The following CLPX variants were observed in gnomAD, a reference collection of about 807,000 sequenced individuals.
CLPX encodes the protein ATP-dependent clpX-like chaperone, mitochondrial.
A neutral mutation model predicts 76.4 loss-of-function variants in CLPX; 34 were observed. That is an observed-to-expected ratio of 0.45 (90% confidence interval 0.34 to 0.59). CLPX has a LOEUF of 0.59. Among genes scored for constraint, CLPX ranks in the 20% least tolerant of loss-of-function variants. The probability of loss-of-function intolerance (pLI) is 0.01; values close to 1 mark genes in which losing one functional copy is unlikely to be tolerated. For missense variants in CLPX, 613 were observed against 757.0 expected, an observed-to-expected ratio of 0.81 and a Z score of 2.23; for synonymous variants, 248 against 270.9, an observed-to-expected ratio of 0.92 and a Z score of 0.83.
At chr15:65,161,998 A>G (rs2087861430) in intron 6 of CLPX, among the ~76,000 whole-genome samples, 1 of 152,054 alleles carries the variant, frequency 6.6e-6, no homozygotes. Flanking sequence ...AACTTAGCTA[A>G]TTTTCTTTAT....
chr15:65,181,913 G>C (rs1300855657), intron 1 of CLPX, among the ~76,000 whole-genome samples: 5 of 151,730 alleles, frequency 3.3e-5, no homozygotes, highest in Admixed American at 6.6e-5. Context: ...CATAAGGTCA[G>C]GAGATCGAGA....
chr15:65,160,993 T>C (rs1340251944), intron 6 of CLPX, among the ~76,000 whole-genome samples: 7 of 152,198 alleles, frequency 4.6e-5, no homozygotes, highest in Admixed American at 4.6e-4. Context: ...AAAATTTCTG[T>C]GTTTCAGTTT....
At position 65,148,967 on chromosome 15, in the gene CLPX, T is replaced by G. The variant is rs2087685143; in HGVS notation, c.*1856A>C. On this transcript the variant is annotated 3_prime_UTR_variant, in exon 14 of 14. Transcript: ENST00000300107. ...ATAATGAAGGTTAGTAACTTATATG[T>G]TAGTGTGAACACATTTACTTTGGCT... is the stretch of plus-strand genomic sequence containing the variant. 6.6e-6 allele frequency: 1 copy of G among 152,242 alleles called. No individual in the cohort carries two copies. Among genetic ancestry groups the G allele is most frequent in the East Asian group, 1.9e-4 (1 of 5,202 alleles). 9.4% of individuals were successfully genotyped at this position (152,242 alleles called of 1,614,324 possible).
intron 12 of CLPX, among the ~76,000 whole-genome samples, chr15:65,152,947 T>A (rs942057242): frequency 6.6e-6 from 1 of 151,008 alleles, no homozygotes; most frequent in African/African-American, 2.4e-5. Context: ...GATGAGGGTG[T>A]ATGTTGCCCA....
At chr15:65,156,693 G>A (rs921166824) in intron 9 of CLPX, 151 bp downstream of exon 9, 1 of 460,180 alleles carries the variant, frequency 2.2e-6, no homozygotes, top group African/African-American at 2.0e-5. Flanking sequence ...TTTCTTTTAG[G>A]ATCTAAACTA....
At chr15:65,157,933 A>G (rs547295273) in intron 7 of CLPX, 23 bp from the exon 8 acceptor site, 33 of 1,545,734 alleles carry the variant, frequency 2.1e-5, no homozygotes, top group Non-Finnish European at 2.7e-5. Context: ...ACAGTCACTA[A>G]AAGTTTACTG....
chr15:65,171,620 A>G (rs934501111), intron 3 of CLPX, among the ~76,000 whole-genome samples: 1 of 152,202 alleles, frequency 6.6e-6, no homozygotes, highest in Non-Finnish European at 1.5e-5. Flanking sequence ...CTTCCCATCA[A>G]TGGGAAAGAT....
intron 7 of CLPX, 40 bp from the exon 8 acceptor site, chr15:65,157,950 T>C (rs2140618448): frequency 6.6e-7 from 1 of 1,508,096 alleles, no homozygotes; most frequent in South Asian, 1.3e-5. Context: ...ACTGAAAATA[T>C]ATTGGCACAC....
At chr15:65,155,383 G>A (rs997157772) in intron 10 of CLPX, among the ~76,000 whole-genome samples, 3 of 152,120 alleles carry the variant, frequency 2.0e-5, no homozygotes, top group African/African-American at 7.2e-5. Context: ...CCGAGTAGCT[G>A]GGATTACAGG....
At position 65,180,070 on chromosome 15, in the gene CLPX, T is replaced by C. The variant is rs1257503860; in HGVS notation, c.214A>G (p.Lys72Glu). The part of the protein sequence containing the change: ...AYFASKDGIS[K>E]DGSGDGNKKS... ...TTATTTCCATCTCCAGAACCATCTTTACTTATCCCATCTTTTGAGGCAAAG... is the reference window on the plus strand; with the variant it reads ...TTATTTCCATCTCCAGAACCATCTTCACTTATCCCATCTTTTGAGGCAAAG... The change falls in exon 2 of 14, where the codon AAA becomes GAA. Residue 72 changes from lysine to glutamate, a missense_variant. Lys to Glu is a moderately conservative substitution (Grantham distance 56). Transcript: ENST00000300107. The C allele has an allele frequency of 1.9e-6, 3 of 1,611,260 alleles. No homozygotes were observed. The highest frequency in any genetic ancestry group is 2.2e-5 in the South Asian group (2 of 90,452).
At chr15:65,180,672 C>T (rs1291913003) in intron 1 of CLPX, among the ~76,000 whole-genome samples, 11 of 151,906 alleles carry the variant, frequency 7.2e-5, no homozygotes, top group Admixed American at 2.6e-4. Flanking sequence ...GAGGCCTAGG[C>T]GGGTGGATCA....
rs1350101865 is a variant in CLPX, at chr15:65,148,840, A to G, written c.*1983T>C. The G allele has an allele frequency of 1.3e-5, 2 of 152,148 alleles. No homozygotes were observed. Among genetic ancestry groups the G allele is most frequent in the Admixed American group, 1.3e-4 (2 of 15,278 alleles). The allele number at this position is 152,148 out of a possible 1,614,324, so 9.4% of individuals were successfully genotyped here. On this transcript the variant is annotated 3_prime_UTR_variant, in exon 14 of 14. Transcript: ENST00000300107. The stretch of plus-strand genomic sequence containing the variant: ...TGTACCACCATTATAGAAGGAAAGA[A>G]AAAAAGCTTAAAAGGTACCCAAATA...
rs1403854751 is a variant in CLPX at position 65,148,617 on chromosome 15, TTTA to T, written c.*2203_*2205del. The T allele has an allele frequency of 3.3e-5, 5 of 152,152 alleles. No individual in the cohort carries two copies. Among genetic ancestry groups the T allele is most frequent in the African/African-American group, 1.2e-4 (5 of 41,444 alleles). 9.4% of individuals were successfully genotyped at this position (152,152 alleles called of 1,614,324 possible). On this transcript the variant is annotated 3_prime_UTR_variant, in exon 14 of 14. Coordinates refer to ENST00000300107, the MANE Select transcript of CLPX (RefSeq NM_006660.5). ...CCAGCCATAAATACCATACATCCCT[TTTA>T]TTAATTATATCAAAGAAAGCCCAAC...
In CLPX at chr15:65,155,106, A is replaced by G. The variant is rs758135098; in HGVS notation, c.1312-25T>C. The G allele has an allele frequency of 5.7e-6, 9 of 1,586,952 alleles. No homozygotes were observed. In the Admixed American group the frequency reaches 8.4e-5, roughly 15 times the overall value. Reference sequence around the variant, plus strand: ...ACTGCCAAAGAAATGATGCATATTTATAATTAGTAGAATCAAATGATAGTG... The same window carrying G: ...ACTGCCAAAGAAATGATGCATATTTGTAATTAGTAGAATCAAATGATAGTG... On this transcript the variant is annotated intron_variant, in intron 10 of 13. Coordinates refer to ENST00000300107, the MANE Select transcript of CLPX (RefSeq NM_006660.5).
At chr15:65,166,968 A>G (rs993867249) in intron 3 of CLPX, among the ~76,000 whole-genome samples, 183 bp from the exon 4 acceptor site, 1 of 152,234 alleles carries the variant, frequency 6.6e-6, no homozygotes, top group Non-Finnish European at 1.5e-5. Context: ...TAGATCAGTC[A>G]ACTACCTTTT....
At chr15:65,173,163 A>G (rs1000842352) in intron 3 of CLPX, among the ~76,000 whole-genome samples, 4 of 152,182 alleles carry the variant, frequency 2.6e-5, no homozygotes, top group Admixed American at 2.0e-4. Flanking sequence ...TGAGGTCAGG[A>G]GTTCGAGATC....
chr15:65,173,413 A>AGGATG (rs1249794475), intron 3 of CLPX, among the ~76,000 whole-genome samples: 1 of 151,946 alleles, frequency 6.6e-6, no homozygotes, highest in Non-Finnish European at 1.5e-5. Context: ...AGTGGTAAAA[A>AGGATG]GGATGTGGAG....
intron 10 of CLPX, 109 bp downstream of exon 10, chr15:65,155,583 C>T: frequency 1.1e-6 from 1 of 940,950 alleles, no homozygotes; most frequent in Non-Finnish European, 1.6e-6. Context: ...GAAAACCCAA[C>T]TCTTATAATT....
At chr15:65,173,397 C>T (rs745679368) in intron 3 of CLPX, among the ~76,000 whole-genome samples, 3 of 146,348 alleles carry the variant, frequency 2.0e-5, no homozygotes, top group Non-Finnish European at 3.0e-5. Context: ...AGAAGACAGA[C>T]AGACAAGTGG....
Sources: gnomAD v4.1 joint callset for allele counts (sites outside exome capture counted in the v4.1 genomes callset) on GRCh38, gnomAD v4.1.1 for gene constraint, MANE v1.5 for transcripts, NCBI Gene and HGNC (gene_info 2026-07-23, HGNC 2026-07-21) for gene names.